RCL1: variants seen among roughly 807,000 people sequenced by gnomAD.
RCL1 encodes the protein RNA 3'-terminal phosphate cyclase-like protein.
In RCL1, 24 loss-of-function variants were observed where a neutral mutation model predicts 42.4. That is an observed-to-expected ratio of 0.57 (90% CI 0.41 to 0.80). RCL1 has a LOEUF of 0.80. Ranked by LOEUF, RCL1 falls within the 30% of genes least tolerant of loss-of-function variation. RCL1 has a pLI of 0.00. For synonymous variants in RCL1, 228 were observed against 177.3 expected (o/e 1.29, Z -2.27); for missense variants, 578 against 467.9 (o/e 1.24, Z -2.17).
chr9:4,839,940 G>A, intron 5 of RCL1: 1 of 983,358 alleles, frequency 1.0e-6, no homozygotes, highest in Non-Finnish European at 1.2e-6. Flanking sequence ...TGGGAGAATG[G>A]GGCAAAGCAG....
intron 1 of RCL1, among the ~76,000 whole-genome samples, chr9:4,812,099 C>T (rs987602476): frequency 5.3e-5 from 8 of 151,930 alleles, no homozygotes; most frequent in African/African-American, 1.7e-4. Context: ...GTTATTAATC[C>T]CTTGTTGGAT....
chr9:4,837,251 T>C (rs1288905960), intron 5 of RCL1, among the ~76,000 whole-genome samples: 3 of 152,114 alleles, frequency 2.0e-5, no homozygotes, highest in Non-Finnish European at 4.4e-5. Flanking sequence ...CAAAATCAAA[T>C]CCTGTTGATG....
chr9:4,826,439 T>C (rs1816765710), intron 2 of RCL1, among the ~76,000 whole-genome samples: 1 of 147,480 alleles, frequency 6.8e-6, no homozygotes, highest in African/African-American at 2.5e-5. Flanking sequence ...ATGAGGTATA[T>C]GAGAAATATC....
At chr9:4,814,050 A>C (rs925275725) in intron 1 of RCL1, among the ~76,000 whole-genome samples, 1 of 152,000 alleles carries the variant, frequency 6.6e-6, no homozygotes, top group Non-Finnish European at 1.5e-5. Flanking sequence ...GGGTGGGGGG[A>C]ATGACGAGTT....
intron 1 of RCL1, among the ~76,000 whole-genome samples, chr9:4,821,024 G>A (rs1232305759): frequency 6.6e-6 from 1 of 152,010 alleles, no homozygotes; most frequent in Admixed American, 6.6e-5. Flanking sequence ...TCCTTCAAGA[G>A]ATCAGTGCCT....
chr9:4,812,695 T>C (rs1816220963), intron 1 of RCL1, among the ~76,000 whole-genome samples: 1 of 152,184 alleles, frequency 6.6e-6, no homozygotes, highest in African/African-American at 2.4e-5. Context: ...GGTATTTTGA[T>C]AGGGATTGCA....
intron 3 of RCL1, among the ~76,000 whole-genome samples, chr9:4,829,710 G>A (rs942566480): frequency 6.6e-6 from 1 of 152,146 alleles, no homozygotes; most frequent in Non-Finnish European, 1.5e-5. Context: ...CAGTGGTGGC[G>A]GTGGTGGTGG....
At chr9:4,835,740 A>C (rs1360503000) in intron 5 of RCL1, among the ~76,000 whole-genome samples, 2 of 152,226 alleles carry the variant, frequency 1.3e-5, no homozygotes, top group Admixed American at 1.3e-4. Flanking sequence ...TACCAATGGA[A>C]GCATTTGGCC....
At chr9:4,853,841 A>G (rs1483217732) in intron 8 of RCL1, among the ~76,000 whole-genome samples, 1 of 152,094 alleles carries the variant, frequency 6.6e-6, no homozygotes, top group Non-Finnish European at 1.5e-5. Flanking sequence ...TGACTGTGGA[A>G]GTGCTGAGGA....
At chr9:4,793,602 T>G (rs1205311235) in intron 1 of RCL1, among the ~76,000 whole-genome samples, 1 of 152,122 alleles carries the variant, frequency 6.6e-6, no homozygotes, top group East Asian at 1.9e-4. Flanking sequence ...CGAAATATGG[T>G]GAATGAGCCG....
chr9:4,796,727 A>T (rs917355860), intron 1 of RCL1, among the ~76,000 whole-genome samples: 4 of 152,148 alleles, frequency 2.6e-5, no homozygotes, highest in Non-Finnish European at 4.4e-5. Context: ...ATGGCTGTGT[A>T]GTATTCCATA....
intron 8 of RCL1, among the ~76,000 whole-genome samples, chr9:4,859,374 C>T (rs536410191): frequency 3.8e-4 from 58 of 152,274 alleles, no homozygotes; most frequent in African/African-American, 1.3e-3. Context: ...TAGCACTTTT[C>T]AGGAATAAAA....
At chr9:4,856,763 A>C (rs138570643) in intron 8 of RCL1, among the ~76,000 whole-genome samples, 21 of 152,340 alleles carry the variant, frequency 1.4e-4, no homozygotes, top group African/African-American at 4.8e-4. Flanking sequence ...GAAGGAAAGC[A>C]AGGAATTGGG....
intron 1 of RCL1, among the ~76,000 whole-genome samples, chr9:4,800,303 C>A (rs1004375979): frequency 1.3e-5 from 2 of 152,154 alleles, no homozygotes; most frequent in African/African-American, 4.8e-5. Context: ...CACCCTCCCA[C>A]TCCCGGGTTC....
chr9:4,856,520 A>G (rs1817967972), intron 8 of RCL1, among the ~76,000 whole-genome samples: 3 of 152,164 alleles, frequency 2.0e-5, no homozygotes, highest in Admixed American at 1.3e-4. Flanking sequence ...TAACGGGTTC[A>G]GTGTTGGAGA....
intron 1 of RCL1, among the ~76,000 whole-genome samples, chr9:4,806,587 T>TACACAC (rs71326137): frequency 0.011 from 1,528 of 135,738 alleles, 13 homozygotes; most frequent in African/African-American, 0.02. Flanking sequence ...CTACTTGATC[T>TACACAC]ACACACACAC....
At chr9:4,845,590 A>T (rs143681635) in intron 7 of RCL1, among the ~76,000 whole-genome samples, 1 of 152,354 alleles carries the variant, frequency 6.6e-6, no homozygotes, top group Non-Finnish European at 1.5e-5. Context: ...ACTTGGTTAG[A>T]AGAGGGTCAC....
chr9:4,801,634 A>AT (rs1484496057), intron 1 of RCL1, among the ~76,000 whole-genome samples: 14 of 146,942 alleles, frequency 9.5e-5, no homozygotes, highest in Middle Eastern at 3.4e-3. Context: ...AGAATTTATG[A>AT]TTTTTTTCTT....
At chr9:4,827,731 A>AGTGTGTGTGTGTGTGTGT (rs71326142) in intron 3 of RCL1, among the ~76,000 whole-genome samples, 13 of 147,496 alleles carry the variant, frequency 8.8e-5, no homozygotes, top group Admixed American at 3.4e-4. Flanking sequence ...TCTAGGATGA[A>AGTGTGTGTGTGTGTGTGT]GTGTGTGTGT....
Sources: allele counts gnomAD v4.1 joint callset (sites outside exome capture counted in the v4.1 genomes callset), GRCh38; gene constraint gnomAD v4.1.1; transcripts MANE v1.5; gene names NCBI Gene and HGNC (gene_info 2026-07-23, HGNC 2026-07-21).